Variants in VIPR2 observed in about 807,000 individuals in gnomAD.
VIPR2 encodes the protein vasoactive intestinal polypeptide receptor 2.
In VIPR2, 48 loss-of-function variants were observed where a neutral mutation model predicts 58.0. The observed-to-expected ratio is 0.83, with a 90% CI of 0.66 to 1.05. The LOEUF (loss-of-function observed/expected upper bound fraction) is 1.05. Among genes scored for constraint, VIPR2 ranks in the 50% least tolerant of loss-of-function variants. VIPR2 has a pLI of 0.00. For missense variants in VIPR2, 534 were observed against 558.0 expected (o/e 0.96, Z 0.43); for synonymous variants, 243 against 235.2 (o/e 1.03, Z -0.30).
intron 2 of VIPR2, among the ~76,000 whole-genome samples, chr7:159,117,848 C>T (rs556894521): frequency 6.6e-6 from 1 of 152,230 alleles, no homozygotes; most frequent in East Asian, 1.9e-4. Flanking sequence ...GCTCTAGGAA[C>T]CAGCGAGTGG....
At position 159,031,693 on chromosome 7, in the gene VIPR2, A is replaced by G. The variant is rs1853595335; in HGVS notation, c.1143+135T>C. The G allele has an allele frequency of 2.0e-6, 3 of 1,532,878 alleles. No individual in the cohort carries two copies. The highest frequency in any genetic ancestry group is 2.7e-5 in the African/African-American group (2 of 73,566). The allele number at this position is 1,532,878 out of a possible 1,614,324, so 95.0% of individuals were successfully genotyped here. On this transcript the variant is annotated intron_variant, in intron 12 of 12. Transcript: ENST00000262178. This position sits in a 1 kb window ranked among gnomAD's most constrained non-coding sequence, Gnocchi z 4.0. ...GTTGTGGGTTCTCTGATGGGGACACAGAACTGTGGGGTCCCGGGCAGTAAC... is the reference window on the plus strand; with the variant it reads ...GTTGTGGGTTCTCTGATGGGGACACGGAACTGTGGGGTCCCGGGCAGTAAC...
chr7:159,074,906 G>C (rs902731530), intron 4 of VIPR2, among the ~76,000 whole-genome samples: 1 of 152,174 alleles, frequency 6.6e-6, no homozygotes, highest in African/African-American at 2.4e-5. Flanking sequence ...AGAACATGTA[G>C]GAAAAACTGG....
chr7:159,109,365 G>T (rs182465545), intron 3 of VIPR2, among the ~76,000 whole-genome samples: 37 of 152,330 alleles, frequency 2.4e-4, no homozygotes, highest in Non-Finnish European at 5.1e-4. Context: ...GGGGGAGTGG[G>T]TTCGATAAAC....
At position 159,128,161 on chromosome 7, in the gene VIPR2, G is replaced by A. The variant is rs1486599199; in HGVS notation, c.151+14285C>T. 6.6e-6 allele frequency among the ~76,000 whole-genome samples: 1 copy of A among 152,080 alleles called. No individual in the cohort carries two copies. Among genetic ancestry groups the A allele is most frequent in the African/African-American group, 2.4e-5 (1 of 41,426 alleles). On this transcript the variant is annotated intron_variant, in intron 2 of 12. Coordinates refer to ENST00000262178, the MANE Select transcript of VIPR2 (RefSeq NM_003382.5). This position sits in a 1 kb window ranked among gnomAD's most constrained non-coding sequence, Gnocchi z 4.1. Reference sequence around the variant, plus strand: ...CTGAGGGATGTGACGGGGGTGGGGGGACACCACCCCAGCTTAGTCAGGGCC... The same window carrying A: ...CTGAGGGATGTGACGGGGGTGGGGGAACACCACCCCAGCTTAGTCAGGGCC...
At chr7:159,033,730 C>T (rs966947048) in intron 10 of VIPR2, among the ~76,000 whole-genome samples, 8 of 152,054 alleles carry the variant, frequency 5.3e-5, no homozygotes, top group African/African-American at 1.7e-4. Context: ...CGGCCATGGA[C>T]ACATGGCCAT....
At chr7:159,121,684 T>C (rs574856516) in intron 2 of VIPR2, among the ~76,000 whole-genome samples, 1 of 152,354 alleles carries the variant, frequency 6.6e-6, no homozygotes, top group South Asian at 2.1e-4. Flanking sequence ...AGTACAATCA[T>C]AACACAGTTA....
intron 4 of VIPR2, among the ~76,000 whole-genome samples, chr7:159,094,097 G>A (rs543080958): frequency 2.4e-4 from 36 of 152,276 alleles, no homozygotes; most frequent in Admixed American, 3.9e-4. Flanking sequence ...TGCAGAGGAG[G>A]GGATGGTCTC....
intron 2 of VIPR2, chr7:159,117,532 C>T (rs997691221): frequency 4.7e-5 from 31 of 657,742 alleles, no homozygotes; most frequent in Non-Finnish European, 8.1e-5. Context: ...CAGATGGGTG[C>T]AACTCCAGTT....
At chr7:159,132,955 C>CAGAATGATTGGCATACAGATTGATTTT (rs1797026252) in intron 2 of VIPR2, among the ~76,000 whole-genome samples, 1 of 26,408 alleles carries the variant, frequency 3.8e-5, no homozygotes, top group African/African-American at 1.5e-4. Context: ...AGATTGATTT[C>CAGAATGATTGGCATACAGATTGATTTT]AGACAGAATG....
At chr7:159,073,531 C>T (rs1198131912) in intron 4 of VIPR2, among the ~76,000 whole-genome samples, 1 of 152,138 alleles carries the variant, frequency 6.6e-6, no homozygotes, top group Non-Finnish European at 1.5e-5. Flanking sequence ...GATTCTCATG[C>T]CTTAGCCTCC....
intron 2 of VIPR2, 25 bp from the exon 3 acceptor site, chr7:159,109,944 G>A: frequency 6.2e-7 from 1 of 1,608,988 alleles, no homozygotes; most frequent in South Asian, 1.1e-5. Flanking sequence ...GCAGAGTGAG[G>A]CAGGTGCAAG....
chr7:159,084,190 C>T (rs752881723), intron 4 of VIPR2, among the ~76,000 whole-genome samples: 9 of 152,256 alleles, frequency 5.9e-5, no homozygotes, highest in African/African-American at 1.9e-4. Flanking sequence ...AAGACCAACG[C>T]GCACCAGGCC....
At position 159,090,280 on chromosome 7, in the gene VIPR2, C is replaced by G. The variant is rs551641161; in HGVS notation, c.357+13477G>C. 2.1e-4 allele frequency among the ~76,000 whole-genome samples: 18 copies of G among 85,406 alleles called. 1 individual carries two copies. The South Asian group carries it at 8.4e-3, about 40-fold the overall frequency. 56.0% of individuals were successfully genotyped at this position (85,406 alleles called of 152,430 possible). A position where few individuals can be genotyped will look rare whatever the true frequency, so the allele number is the denominator to read the frequency against. On this transcript the variant is annotated intron_variant, in intron 4 of 12. Coordinates refer to ENST00000262178, the MANE Select transcript of VIPR2 (RefSeq NM_003382.5). The stretch of plus-strand genomic sequence containing the variant: ...TGACCTCAGCACAGACATGCTGGGA[C>G]CACGCACAGGGGCCACCTCCTGCGA...
rs1057126709 is a variant in VIPR2 at position 159,095,073 on chromosome 7, C to T, written c.357+8684G>A. 3.3e-5 allele frequency among the ~76,000 whole-genome samples: 5 copies of T among 152,186 alleles called. No homozygotes were observed. Among genetic ancestry groups the T allele is most frequent in the Non-Finnish European group, 7.3e-5 (5 of 68,036 alleles). The stretch of plus-strand genomic sequence containing the variant: ...AGGGCTGAGGTCTCTGAGGGCATCA[C>T]GGCCACAAAGATGGAGAGGGGCTAG... On this transcript the variant is annotated intron_variant, in intron 4 of 12. Transcript: ENST00000262178. This position sits in a 1 kb window ranked among gnomAD's most constrained non-coding sequence, Gnocchi z 5.2.
chr7:159,124,576 C>T (rs777196469), intron 2 of VIPR2, among the ~76,000 whole-genome samples: 14 of 152,118 alleles, frequency 9.2e-5, no homozygotes, highest in Non-Finnish European at 1.5e-4. Context: ...TACGGTAATG[C>T]GATGCCTCCA....
intron 5 of VIPR2, among the ~76,000 whole-genome samples, chr7:159,048,824 A>T (rs1245777556): frequency 6.6e-6 from 1 of 152,090 alleles, no homozygotes; most frequent in Non-Finnish European, 1.5e-5. Context: ...AAACTCCTCC[A>T]CAGCCAGCGT....
rs537783592 is a variant in VIPR2, at chr7:159,038,033, C to T, written c.598-1131G>A. Among the ~76,000 whole-genome samples, 35 of 152,154 alleles carry T rather than the reference C, an allele frequency of 2.3e-4. 1 individual carries two copies. The highest frequency in any genetic ancestry group is 7.0e-4 in the African/African-American group (29 of 41,500). On this transcript the variant is annotated intron_variant, in intron 6 of 12. Coordinates refer to ENST00000262178, the MANE Select transcript of VIPR2 (RefSeq NM_003382.5). ...AGATGGCTATCCCTATAAATATATACGGGTGAATATACTTTTTTATATATG... is the reference window on the plus strand; with the variant it reads ...AGATGGCTATCCCTATAAATATATATGGGTGAATATACTTTTTTATATATG...
chr7:159,034,288 A>T lies in VIPR2; in HGVS notation c.896T>A (p.Phe299Tyr). Reference sequence around the variant, plus strand: ...CAGCAAAATTCGTATAATACTAATGAAAAGGACAAAATTGACCTGCACAAG... The same window carrying T: ...CAGCAAAATTCGTATAATACTAATGTAAAGGACAAAATTGACCTGCACAAG... Reference protein sequence around the residue: ...LISIIVNFVLFISIIRILLQK... With the variant: ...LISIIVNFVLYISIIRILLQK... The change falls in exon 10 of 13, where the codon TTC becomes TAC. Residue 299 changes from phenylalanine to tyrosine, a missense_variant. Phe to Tyr is a conservative substitution (Grantham distance 22). Around this residue, in one of 3 missense-constraint regions of VIPR2, gnomAD observed 306 missense variants for 285.8 expected, o/e 1.07. Coordinates refer to ENST00000262178, the MANE Select transcript of VIPR2 (RefSeq NM_003382.5). The T allele has an allele frequency of 6.2e-7, 1 of 1,613,956 alleles. No homozygotes were observed. The highest frequency in any genetic ancestry group is 8.5e-7 in the Non-Finnish European group (1 of 1,179,926).
chr7:159,084,200 C>T (rs1196510588), intron 4 of VIPR2, among the ~76,000 whole-genome samples: 2 of 152,266 alleles, frequency 1.3e-5, no homozygotes, highest in Non-Finnish European at 2.9e-5. Flanking sequence ...CGCACCAGGC[C>T]AGAGGGGCAA....
Sources: gnomAD v4.1 joint callset for allele counts (sites outside exome capture counted in the v4.1 genomes callset) on GRCh38, gnomAD v4.1.1 for gene constraint, gnomAD v4.1.1 regional missense constraint, Gnocchi (gnomAD v3.1) non-coding constraint, MANE v1.5 for transcripts, NCBI Gene and HGNC (gene_info 2026-07-23, HGNC 2026-07-21) for gene names.